GALNT18: variants seen among roughly 807,000 people sequenced by gnomAD.
GALNT18 encodes GalNAc-transferase 18.
Under a neutral mutation model 69.5 loss-of-function variants are expected in GALNT18, and 44 were observed. That is an observed-to-expected ratio of 0.63 (90% confidence interval 0.50 to 0.81). The LOEUF (loss-of-function observed/expected upper bound fraction) is 0.81. GALNT18 is among the 40% of genes least tolerant of loss of function. The pLI, the probability that GALNT18 is intolerant of heterozygous loss-of-function variation, is 0.00. For missense variants in GALNT18, 715 were observed against 810.0 expected (o/e 0.88, Z 1.42); for synonymous variants, 364 against 318.2 (o/e 1.14, Z -1.53).
intron 3 of GALNT18, among the ~76,000 whole-genome samples, chr11:11,381,264 C>T (rs943762579): frequency 2.0e-5 from 3 of 152,162 alleles, no homozygotes; most frequent in Admixed American, 2.0e-4. Context: ...TTAAATAGAG[C>T]TCATAAAGTC....
chr11:11,271,796 CT>C (rs1848833767), intron 10 of GALNT18, among the ~76,000 whole-genome samples: 2 of 152,196 alleles, frequency 1.3e-5, no homozygotes, highest in South Asian at 4.1e-4. Flanking sequence ...ACTGGGCCCC[CT>C]AAGTCCTGAC....
rs895278162 is a variant in GALNT18 at position 11,315,921 on chromosome 11, G to A, written c.1512+11165C>T. The stretch of plus-strand genomic sequence containing the variant: ...CGTGTGACAAACAGAAGCTGAGGGT[G>A]GCTGCCGAGAGTGAGCCTCACAGGG... On this transcript the variant is annotated intron_variant, in intron 9 of 10. Coordinates refer to ENST00000227756, the MANE Select transcript of GALNT18 (RefSeq NM_198516.3). This position sits in a 1 kb window ranked among gnomAD's most constrained non-coding sequence, Gnocchi z 5.6. 3.3e-5 allele frequency among the ~76,000 whole-genome samples: 5 copies of A among 151,916 alleles called. No homozygotes were observed. Among genetic ancestry groups the A allele is most frequent in the Non-Finnish European group, 4.4e-5 (3 of 68,014 alleles).
Position 11,587,183 on chromosome 11 carries a change from G to C in GALNT18, c.235+34176C>G, listed in dbSNP as rs1446354011. The stretch of plus-strand genomic sequence containing the variant: ...CAATTTGCTCTAGCACTATATGACT[G>C]GTTCTGATTGGACACTGCCAAATGC... On this transcript the variant is annotated intron_variant, in intron 1 of 10. Transcript: ENST00000227756. This position sits in a 1 kb window ranked among gnomAD's most constrained non-coding sequence, Gnocchi z 4.4. 6.6e-6 allele frequency among the ~76,000 whole-genome samples: 1 copy of C among 152,146 alleles called. No individual in the cohort carries two copies. Among genetic ancestry groups the C allele is most frequent in the Non-Finnish European group, 1.5e-5 (1 of 68,030 alleles).
At chr11:11,529,184 C>G (rs1590075061) in intron 1 of GALNT18, among the ~76,000 whole-genome samples, 1 of 152,212 alleles carries the variant, frequency 6.6e-6, no homozygotes, top group African/African-American at 2.4e-5. Context: ...TTTCATGTGT[C>G]AACTTGTCTG....
chr11:11,535,243 A>G (rs922012916), intron 1 of GALNT18, among the ~76,000 whole-genome samples: 8 of 152,168 alleles, frequency 5.3e-5, no homozygotes, highest in Non-Finnish European at 1.0e-4. Flanking sequence ...GCACTCTGGT[A>G]CCATGGGTAA....
In GALNT18 at chr11:11,500,254, C is replaced by T. The variant is rs973316965; in HGVS notation, c.236-51318G>A. Among the ~76,000 whole-genome samples the T allele has an allele frequency of 6.6e-6, 1 of 152,182 alleles. No homozygotes were observed. Among genetic ancestry groups the T allele is most frequent in the Non-Finnish European group, 1.5e-5 (1 of 68,034 alleles). ...AGATCCAGACAGGTAGCGTTCACTG[C>T]CAAGAACCTGCAGGAGGCTGGCCTC... On this transcript the variant is annotated intron_variant, in intron 1 of 10. Coordinates refer to ENST00000227756, the MANE Select transcript of GALNT18 (RefSeq NM_198516.3). This position sits in a 1 kb window ranked among gnomAD's most constrained non-coding sequence, Gnocchi z 5.0.
At chr11:11,597,812 C>T (rs1476210744) in intron 1 of GALNT18, among the ~76,000 whole-genome samples, 1 of 151,988 alleles carries the variant, frequency 6.6e-6, no homozygotes, top group East Asian at 1.9e-4. Flanking sequence ...AGGCGCCTGC[C>T]ACCACGCCCG....
intron 3 of GALNT18, among the ~76,000 whole-genome samples, chr11:11,385,523 C>T (rs1018939164): frequency 1.3e-5 from 2 of 152,108 alleles, no homozygotes; most frequent in African/African-American, 2.4e-5. Flanking sequence ...TCTCGATCTC[C>T]TGACCTTGTG....
At position 11,352,041 on chromosome 11, in the gene GALNT18, G is replaced by A. The variant is rs201862125; in HGVS notation, c.1093-11037C>T. 4,098 of 1,613,708 alleles carry A rather than the reference G, an allele frequency of 2.5e-3. 21 individuals carry two copies. Among genetic ancestry groups the A allele is most frequent in the South Asian group, 8.6e-3 (787 of 91,044 alleles). The stretch of plus-strand genomic sequence containing the variant: ...TGCCAGAGGTCCAAGGGGTGAAGGA[G>A]TTGGCACTGAAGAAATCCCTGACAT... On this transcript the variant is annotated intron_variant, in intron 6 of 10. Transcript: ENST00000227756.
At chr11:11,304,674 T>C (rs932077962) in intron 9 of GALNT18, among the ~76,000 whole-genome samples, 1 of 152,232 alleles carries the variant, frequency 6.6e-6, no homozygotes, top group Admixed American at 6.5e-5. Context: ...CTATGATGCT[T>C]CTTCCTGTAT....
chr11:11,484,694 C>A (rs912439914), intron 1 of GALNT18, among the ~76,000 whole-genome samples: 1 of 151,464 alleles, frequency 6.6e-6, no homozygotes, highest in Non-Finnish European at 1.5e-5. Context: ...CTAGATGGAG[C>A]GTGCAGAAAG....
At chr11:11,488,888 T>C (rs182106041) in intron 1 of GALNT18, among the ~76,000 whole-genome samples, 129 of 152,298 alleles carry the variant, frequency 8.5e-4, no homozygotes, top group Middle Eastern at 3.4e-3. Context: ...TTTAACCTCT[T>C]TGTTCTTCAC....
At position 11,523,164 on chromosome 11, in the gene GALNT18, T is replaced by C. The variant is rs1857437991; in HGVS notation, c.236-74228A>G. 6.6e-6 allele frequency among the ~76,000 whole-genome samples: 1 copy of C among 152,222 alleles called. No individual in the cohort carries two copies. The highest frequency in any genetic ancestry group is 2.1e-4 in the South Asian group (1 of 4,832). On this transcript the variant is annotated intron_variant, in intron 1 of 10. Coordinates refer to ENST00000227756, the MANE Select transcript of GALNT18 (RefSeq NM_198516.3). This position sits in a 1 kb window ranked among gnomAD's most constrained non-coding sequence, Gnocchi z 4.3. The stretch of plus-strand genomic sequence containing the variant: ...GCTATTTTGAGCCAGGAGGTCTGCC[T>C]TCCAGTTTTGCCACCCACAGACATT...
chr11:11,374,693 G>C (rs928691313), intron 5 of GALNT18, among the ~76,000 whole-genome samples: 9 of 152,230 alleles, frequency 5.9e-5, no homozygotes, highest in Non-Finnish European at 4.4e-5. Flanking sequence ...CAGCATGAAA[G>C]AGTTATCGAT....
rs1384138420 is a variant in GALNT18, at chr11:11,538,593, C to A, written c.235+82766G>T. Reference sequence around the variant, plus strand: ...GAGCTCGCGGCACTCCTCTCAGGGGCCTCGTCAGCAGCTCCTATCTGGGGA... The same window carrying A: ...GAGCTCGCGGCACTCCTCTCAGGGGACTCGTCAGCAGCTCCTATCTGGGGA... On this transcript the variant is annotated intron_variant, in intron 1 of 10. Transcript: ENST00000227756. The surrounding 1 kb of genome is among the most constrained non-coding windows in gnomAD (Gnocchi z 5.2). Among the ~76,000 whole-genome samples, 2 of 152,188 alleles carry A rather than the reference C, an allele frequency of 1.3e-5. No homozygotes were observed. The highest frequency in any genetic ancestry group is 2.9e-5 in the Non-Finnish European group (2 of 68,034).
At chr11:11,472,998 A>C (rs1564966622) in intron 1 of GALNT18, among the ~76,000 whole-genome samples, 1 of 152,014 alleles carries the variant, frequency 6.6e-6, no homozygotes, top group Admixed American at 6.6e-5. Flanking sequence ...TCTCAAAAAA[A>C]TAAATAAATA....
intron 10 of GALNT18, among the ~76,000 whole-genome samples, chr11:11,282,368 G>A (rs1387032062): frequency 6.6e-6 from 1 of 152,186 alleles, no homozygotes; most frequent in African/African-American, 2.4e-5. Context: ...CATTTGCCTA[G>A]TACTATGCCA....
intron 10 of GALNT18, among the ~76,000 whole-genome samples, chr11:11,273,424 T>C (rs1848868311): frequency 6.6e-6 from 1 of 152,120 alleles, no homozygotes; most frequent in African/African-American, 2.4e-5. Flanking sequence ...GACTTATAAA[T>C]GGCAAACAGG....
intron 3 of GALNT18, among the ~76,000 whole-genome samples, chr11:11,397,186 C>T (rs989027706): frequency 5.9e-5 from 9 of 152,124 alleles, no homozygotes. Context: ...ACTCCTATCA[C>T]CCACAAAGAA....
Sources: gnomAD v4.1 joint callset for allele counts (sites outside exome capture counted in the v4.1 genomes callset) on GRCh38, gnomAD v4.1.1 for gene constraint, Gnocchi (gnomAD v3.1) non-coding constraint, MANE v1.5 for transcripts, NCBI Gene and HGNC (gene_info 2026-07-23, HGNC 2026-07-21) for gene names.